The following KCNIP4 variants were observed in gnomAD, a reference collection of about 807,000 sequenced individuals.
KCNIP4 encodes the protein Kv channel-interacting protein 4.
KCNIP4 carries 12 observed loss-of-function variants against 34.0 expected under a neutral mutation model. The observed-to-expected ratio is 0.35, with a 90% CI of 0.23 to 0.57. KCNIP4 has a LOEUF of 0.57. Among genes scored for constraint, KCNIP4 ranks in the 20% least tolerant of loss-of-function variants. The probability of loss-of-function intolerance (pLI) is 0.83; values close to 1 mark genes in which losing one functional copy is unlikely to be tolerated. For missense variants in KCNIP4, 238 were observed against 311.7 expected, an observed-to-expected ratio of 0.76 and a Z score of 1.78; for synonymous variants, 124 against 102.2, an observed-to-expected ratio of 1.21 and a Z score of -1.29.
At chr4:20,922,418 G>A (rs1386749094) in intron 1 of KCNIP4, among the ~76,000 whole-genome samples, 6 of 152,258 alleles carry the variant, frequency 3.9e-5, no homozygotes, top group South Asian at 2.1e-4. Context: ...CGTCTGGTTC[G>A]TGGGCCTTCA....
Position 21,054,012 on chromosome 4 carries a change from TTGTAGATATTGACAAAA to T in KCNIP4, c.62-171320_62-171304del, listed in dbSNP as rs55740542. ...TTTTGTAGATATTGACAAAATGATT[TTGTAGATATTGACAAAA>T]TGTAGATATTGACAAAATGTAGATA... is the stretch of plus-strand genomic sequence containing the variant. On this transcript the variant is annotated intron_variant, in intron 1 of 8. Coordinates refer to ENST00000382152, the MANE Select transcript of KCNIP4 (RefSeq NM_025221.6). Among the ~76,000 whole-genome samples, 15 of 148,662 alleles carry T rather than the reference TTGTAGATATTGACAAAA, an allele frequency of 1.0e-4. No individual in the cohort carries two copies. The South Asian group carries it at 1.7e-3, about 17-fold the overall frequency.
intron 1 of KCNIP4, among the ~76,000 whole-genome samples, chr4:21,939,262 G>A (rs1200881333): frequency 6.6e-6 from 1 of 152,054 alleles, no homozygotes; most frequent in African/African-American, 2.4e-5. Flanking sequence ...TTTTCATTTG[G>A]AGGTTACATC....
intron 1 of KCNIP4, among the ~76,000 whole-genome samples, chr4:21,828,174 A>G (rs1722780670): frequency 6.6e-6 from 1 of 151,434 alleles, no homozygotes; most frequent in African/African-American, 2.4e-5. Context: ...TGGTACGTAT[A>G]TTTTAAAAAA....
At chr4:20,741,141 T>C (rs1025859502) in intron 5 of KCNIP4, among the ~76,000 whole-genome samples, 1 of 152,326 alleles carries the variant, frequency 6.6e-6, no homozygotes, top group Admixed American at 6.5e-5. Flanking sequence ...AACACCCCAC[T>C]GTCAGCATTA....
At position 21,528,792 on chromosome 4, in the gene KCNIP4, AAAGGAAGAAAGGAAGGAAGG is replaced by A. The variant is rs1560490374; in HGVS notation, c.61+419759_61+419778del. On this transcript the variant is annotated intron_variant, in intron 1 of 8. Coordinates refer to ENST00000382152, the MANE Select transcript of KCNIP4 (RefSeq NM_025221.6). ...GAAAGAAAGAAAGGAAGAAAGGAAG[AAAGGAAGAAAGGAAGGAAGG>A]AAGGAAGGAAGGAAGGAAGGAAGGA... 3.4e-3 allele frequency among the ~76,000 whole-genome samples: 70 copies of A among 20,350 alleles called. 8 individuals carry two copies. The highest frequency in any genetic ancestry group is 0.013 in the African/African-American group (64 of 5,118). 13.4% of individuals were successfully genotyped at this position (20,350 alleles called of 152,430 possible). A position where few individuals can be genotyped will look rare whatever the true frequency, so the allele number is the denominator to read the frequency against.
intron 1 of KCNIP4, among the ~76,000 whole-genome samples, chr4:21,342,340 C>T (rs917369297): frequency 1.5e-4 from 23 of 152,234 alleles, no homozygotes; most frequent in African/African-American, 5.1e-4. Context: ...GTCTTGCATA[C>T]ATATATAATA....
chr4:21,617,989 A>C (rs2109166608), intron 1 of KCNIP4, among the ~76,000 whole-genome samples: 1 of 152,332 alleles, frequency 6.6e-6, no homozygotes, highest in Middle Eastern at 3.4e-3. Context: ...CTAAAATATA[A>C]GTGACAGAAA....
intron 1 of KCNIP4, among the ~76,000 whole-genome samples, chr4:21,910,868 AT>A (rs925182021): frequency 2.0e-4 from 30 of 152,290 alleles, no homozygotes; most frequent in Non-Finnish European, 3.5e-4. Flanking sequence ...AGTGATTAGT[AT>A]TTTTAAGGGG....
intron 1 of KCNIP4, among the ~76,000 whole-genome samples, chr4:21,887,690 G>T (rs140921879): frequency 5.7e-4 from 87 of 152,224 alleles, no homozygotes; most frequent in African/African-American, 2.0e-3. Flanking sequence ...TTTGCATGAA[G>T]ATGATTCAGC....
chr4:21,924,060 T>TA (rs1461105900), intron 1 of KCNIP4, among the ~76,000 whole-genome samples: 2 of 152,154 alleles, frequency 1.3e-5, no homozygotes, highest in African/African-American at 4.8e-5. Context: ...CTTTTACACT[T>TA]AGACCAAAAA....
At position 21,680,141 on chromosome 4, in the gene KCNIP4, T is replaced by C. The variant is rs143468474; in HGVS notation, c.61+268430A>G. Among the ~76,000 whole-genome samples the C allele has an allele frequency of 2.6e-3, 400 of 152,132 alleles. 1 individual carries two copies. The highest frequency in any genetic ancestry group is 7.7e-3 in the African/African-American group (321 of 41,588). ...AATTAAAGTCAATCCTCTCAAACACTACTGCTGTTTATTGACTAAGTTTAT... is the reference window on the plus strand; with the variant it reads ...AATTAAAGTCAATCCTCTCAAACACCACTGCTGTTTATTGACTAAGTTTAT... On this transcript the variant is annotated intron_variant, in intron 1 of 8. Coordinates refer to ENST00000382152, the MANE Select transcript of KCNIP4 (RefSeq NM_025221.6).
At chr4:21,215,215 T>A (rs1757471877) in intron 1 of KCNIP4, among the ~76,000 whole-genome samples, 1 of 152,214 alleles carries the variant, frequency 6.6e-6, no homozygotes, top group Non-Finnish European at 1.5e-5. Flanking sequence ...TAAAAGGATC[T>A]GATTTATAAT....
At chr4:21,357,123 C>A (rs1333976711) in intron 1 of KCNIP4, among the ~76,000 whole-genome samples, 1 of 152,124 alleles carries the variant, frequency 6.6e-6, no homozygotes, top group African/African-American at 2.4e-5. Context: ...ATGTAGAAAG[C>A]TGAAACTGGA....
chr4:21,504,421 T>A, intron 1 of KCNIP4, among the ~76,000 whole-genome samples: 1 of 132,768 alleles, frequency 7.5e-6, no homozygotes, highest in Non-Finnish European at 1.5e-5. Flanking sequence ...TGAACGGAGA[T>A]CATGCCACTG....
At chr4:21,027,637 C>G (rs78024406) in intron 1 of KCNIP4, among the ~76,000 whole-genome samples, 1 of 150,608 alleles carries the variant, frequency 6.6e-6, no homozygotes, top group Non-Finnish European at 1.5e-5. Flanking sequence ...GTCTTTGTCA[C>G]CAAATCATCC....
At chr4:21,250,505 G>A (rs889945530) in intron 1 of KCNIP4, among the ~76,000 whole-genome samples, 1 of 152,046 alleles carries the variant, frequency 6.6e-6, no homozygotes, top group Non-Finnish European at 1.5e-5. Context: ...ATTTTCCTCT[G>A]GTTTTCCAGG....
chr4:21,347,984 T>C (rs1717623403), intron 1 of KCNIP4, among the ~76,000 whole-genome samples: 1 of 152,334 alleles, frequency 6.6e-6, no homozygotes, highest in South Asian at 2.1e-4. Context: ...TTAGGAGTCA[T>C]GCTCATACCT....
chr4:20,776,256 C>T (rs566666804), intron 3 of KCNIP4, among the ~76,000 whole-genome samples: 1 of 152,010 alleles, frequency 6.6e-6, no homozygotes. Flanking sequence ...GTTTTTGCCC[C>T]GTAAGGAAGG....
In KCNIP4 at chr4:21,526,526, C is replaced by G. The variant is rs951270416; in HGVS notation, c.61+422045G>C. ...TGTATGTAACAAAATTGAAGTTATGCACCTTTCCTTGATTGATTGATATGT... is the reference window on the plus strand; with the variant it reads ...TGTATGTAACAAAATTGAAGTTATGGACCTTTCCTTGATTGATTGATATGT... On this transcript the variant is annotated intron_variant, in intron 1 of 8. Coordinates refer to ENST00000382152, the MANE Select transcript of KCNIP4 (RefSeq NM_025221.6). Among the ~76,000 whole-genome samples, 7 of 152,114 alleles carry G rather than the reference C, an allele frequency of 4.6e-5. No individual in the cohort carries two copies. The South Asian group carries it at 6.2e-4, about 14-fold the overall frequency.
Sources: allele counts gnomAD v4.1 joint callset (sites outside exome capture counted in the v4.1 genomes callset), GRCh38; gene constraint gnomAD v4.1.1; transcripts MANE v1.5; gene names NCBI Gene and HGNC (gene_info 2026-07-23, HGNC 2026-07-21).